EPS8L2: variants seen among roughly 807,000 people sequenced by gnomAD.
EPS8L2 encodes EPS8 signaling adaptor L2.
In EPS8L2, 81 loss-of-function variants were observed where a neutral mutation model predicts 99.4. The ratio of observed to expected loss-of-function variants is 0.82; its 90% CI spans 0.68 to 0.98. EPS8L2 has a LOEUF of 0.98. Ranked by LOEUF, EPS8L2 falls within the 50% of genes least tolerant of loss-of-function variation. The pLI, the probability that EPS8L2 is intolerant of heterozygous loss-of-function variation, is 0.00. For missense variants in EPS8L2, 1,155 were observed against 968.8 expected, an observed-to-expected ratio of 1.19 and a Z score of -2.55; for synonymous variants, 509 against 407.3, an observed-to-expected ratio of 1.25 and a Z score of -3.01.
chr11:721,805 G>A (rs1340844784), intron 10 of EPS8L2, 98 bp from the exon 11 acceptor site: 4 of 1,512,826 alleles, frequency 2.6e-6, no homozygotes, highest in Non-Finnish European at 3.6e-6. Flanking sequence ...TGGAGGTGGA[G>A]GAAGGTCCAG....
chr11:715,104 G>C (rs533990669), intron 4 of EPS8L2, among the ~76,000 whole-genome samples: 9 of 152,142 alleles, frequency 5.9e-5, no homozygotes, highest in East Asian at 1.9e-4. Context: ...TAGCCAGGTG[G>C]GATGGCGGGT....
intron 4 of EPS8L2, among the ~76,000 whole-genome samples, chr11:715,923 A>C (rs1862013925): frequency 7.0e-6 from 1 of 143,044 alleles, no homozygotes; most frequent in Non-Finnish European, 1.5e-5. Context: ...CCCGGCATTG[A>C]TTCACTTTTC....
At chr11:712,370 C>T (rs542818113) in intron 4 of EPS8L2, among the ~76,000 whole-genome samples, 9 of 151,596 alleles carry the variant, frequency 5.9e-5, no homozygotes, top group Non-Finnish European at 2.9e-5. Flanking sequence ...GCTGGGCTCC[C>T]GGTTGTGGTC....
chr11:720,080 A>T lies in EPS8L2; in HGVS notation c.184A>T (p.Met62Leu), dbSNP rs780112279. 348 of 1,612,834 alleles carry T rather than the reference A, an allele frequency of 2.2e-4. 1 individual carries two copies. The highest frequency in any genetic ancestry group is 2.4e-4 in the Non-Finnish European group (279 of 1,179,708). ...CCCCCAGCACCTGGCCACATTCATC[A>T]TGGACAAGAGCGAAGCCATCACGTC... ...YHVQHLATFI[M>L]DKSEAITSVD... Residue 62 changes from methionine to leucine, a missense_variant, in exon 5 of 21, where the codon ATG (methionine) becomes TTG (leucine). Physicochemically the swap from Met to Leu is conservative, Grantham distance 15. Transcript: ENST00000318562.
At chr11:713,088 C>T (rs761589983) in intron 4 of EPS8L2, among the ~76,000 whole-genome samples, 10 of 152,134 alleles carry the variant, frequency 6.6e-5, no homozygotes, top group Non-Finnish European at 1.3e-4. Flanking sequence ...TGCCTCTCCC[C>T]GATGAGGACA....
intron 1 of EPS8L2, chr11:706,661 G>C (rs1486024975): frequency 2.6e-5 from 4 of 152,648 alleles, no homozygotes; most frequent in Non-Finnish European, 4.4e-5. Context: ...GCTTCTCCCG[G>C]TTCTGTGAGC....
At chr11:707,501 C>G (rs959895062) in intron 1 of EPS8L2, among the ~76,000 whole-genome samples, 7 of 152,314 alleles carry the variant, frequency 4.6e-5, no homozygotes, top group Admixed American at 1.3e-4. Context: ...TGACCGGGCA[C>G]CCCGCTCTGC....
chr11:722,198 G>A lies in EPS8L2; in HGVS notation c.1059+33G>A, dbSNP rs777117461. 7 of 1,605,214 alleles carry A rather than the reference G, an allele frequency of 4.4e-6. No homozygotes were observed. In the South Asian group the frequency reaches 5.5e-5, roughly 13 times the overall value. On this transcript the variant is annotated intron_variant, in intron 12 of 20. Coordinates refer to ENST00000318562, the MANE Select transcript of EPS8L2 (RefSeq NM_022772.4). ...GGGCCGGGCGGCAGGGGCGCGCAGGGTGGGGGCCCAGAGGCCTCTGCAGCA... is the reference window on the plus strand; with the variant it reads ...GGGCCGGGCGGCAGGGGCGCGCAGGATGGGGGCCCAGAGGCCTCTGCAGCA...
chr11:721,009 A>AGGGGAGGAGCCGGGAG, intron 7 of EPS8L2, 55 bp from the exon 8 acceptor site: 1 of 878,234 alleles, frequency 1.1e-6, no homozygotes, highest in South Asian at 2.1e-5. Flanking sequence ...CCCGGCAGGG[A>AGGGGAGGAGCCGGGAG]GGGAGGGTCA....
At position 726,080 on chromosome 11, in the gene EPS8L2, C is replaced by A. The variant is rs755291468; in HGVS notation, c.1681-18C>A. 2.0e-6 allele frequency: 3 copies of A among 1,514,278 alleles called. No individual in the cohort carries two copies. Among genetic ancestry groups the A allele is most frequent in the Admixed American group, 3.7e-5 (2 of 53,458 alleles). 93.8% of individuals were successfully genotyped at this position (1,514,278 alleles called of 1,614,324 possible). On this transcript the variant is annotated intron_variant, in intron 17 of 20. Coordinates refer to ENST00000318562, the MANE Select transcript of EPS8L2 (RefSeq NM_022772.4). ...GGGGGCGGGGCGTGGGGAGCCTAAT[C>A]GCCCCCCGCCCCCGCAGGCCGGTCA... is the stretch of plus-strand genomic sequence containing the variant.
Position 721,176 on chromosome 11 carries a change from G to A in EPS8L2, c.670G>A (p.Val224Met), listed in dbSNP as rs1204653238. Residue 224 changes from valine (V) to methionine (M), a missense_variant, in exon 8 of 21, where the codon GTG becomes ATG. Physicochemically the swap from Val to Met is conservative, Grantham distance 21 (BLOSUM62 1). Coordinates refer to ENST00000318562, the MANE Select transcript of EPS8L2 (RefSeq NM_022772.4). ...GGATTCCCCGGAGGCCAAGAATCGC[G>A]TGGGCCCGCAGGTGCCACTCAGCGA... ...GGDSPEAKNR[V>M]GPQVPLSEPG... 2 of 1,534,490 alleles carry A rather than the reference G, an allele frequency of 1.3e-6. No homozygotes were observed. Among genetic ancestry groups the A allele is most frequent in the South Asian group, 1.2e-5 (1 of 83,592 alleles).
chr11:721,451 G>A, intron 9 of EPS8L2, 99 bp downstream of exon 9: 1 of 1,489,114 alleles, frequency 6.7e-7, no homozygotes, highest in Non-Finnish European at 9.0e-7. Context: ...GCCTGTGGCT[G>A]CCCCTCCGAA....
intron 1 of EPS8L2, among the ~76,000 whole-genome samples, chr11:707,663 C>A (rs1375923803): frequency 1.3e-5 from 2 of 152,050 alleles, no homozygotes; most frequent in African/African-American, 2.4e-5. Context: ...GCTTCAGACC[C>A]AGACACCACA....
In EPS8L2 at chr11:722,709, C is replaced by G. The variant is rs10902205; in HGVS notation, c.1245C>G (p.Tyr415Ter). Residue 415 changes from tyrosine to a stop codon, truncating the protein, a stop_gained, in exon 14 of 21, where the codon TAC becomes TAG. Coordinates refer to ENST00000318562, the MANE Select transcript of EPS8L2 (RefSeq NM_022772.4). LOFTEE classifies it high-confidence loss of function. ...CGCGGGAGCCACAGGTGCCCCTCTA[C>G]GTGCCCAAGTTCCACAGCGGCTGGG... Reference protein sequence around the residue: ...EWPREPQVPLYVPKFHSGWEP... With the variant: ...EWPREPQVPL 1 of 1,608,588 alleles carries G rather than the reference C, an allele frequency of 6.2e-7. No homozygotes were observed.
At chr11:721,021 G>C in intron 7 of EPS8L2, 43 bp from the exon 8 acceptor site, 1 of 1,157,428 alleles carries the variant, frequency 8.6e-7, no homozygotes, top group East Asian at 2.8e-5. Flanking sequence ...GGAGGGTCAG[G>C]TGCGTTCCCG....
chr11:711,701 AGGCCAG>A (rs1861893886), intron 4 of EPS8L2, among the ~76,000 whole-genome samples: 1 of 151,694 alleles, frequency 6.6e-6, no homozygotes, highest in Admixed American at 6.6e-5. Flanking sequence ...ACAGAGTCTT[AGGCCAG>A]GCGCGGTGGC....
At chr11:706,762 G>A (rs1434743389) in intron 1 of EPS8L2, 5 of 152,592 alleles carry the variant, frequency 3.3e-5, no homozygotes, top group South Asian at 2.1e-4. Context: ...CTGGGTGTCG[G>A]AGCCCAGAAG....
At position 709,706 on chromosome 11, in the gene EPS8L2, T is replaced by C. The variant is rs1222655110; in HGVS notation, c.100+98T>C. The C allele has an allele frequency of 3.5e-6, 5 of 1,426,760 alleles. No individual in the cohort carries two copies. In the African/African-American group the frequency reaches 4.2e-5, roughly 12 times the overall value. 88.4% of individuals were successfully genotyped at this position (1,426,760 alleles called of 1,614,324 possible). On this transcript the variant is annotated intron_variant, in intron 3 of 20. Transcript: ENST00000318562. ...GCTCCTGCCCCACAGCTGTGCCTGGTCTGGCCCAGGGGATCTCCGGGTGCC... is the reference window on the plus strand; with the variant it reads ...GCTCCTGCCCCACAGCTGTGCCTGGCCTGGCCCAGGGGATCTCCGGGTGCC...
Position 726,985 on chromosome 11 carries a change from C to T in EPS8L2, c.*4C>T, listed in dbSNP as rs749547734. On this transcript the variant is annotated 3_prime_UTR_variant, in exon 21 of 21. Transcript: ENST00000318562. ...GAGGAGGGGGGAGGACAGCTAGGCC[C>T]AGCTGCCTTGGGCTGGGGCCTGCGG... 1.1e-5 allele frequency: 17 copies of T among 1,610,306 alleles called. No individual in the cohort carries two copies. In the African/African-American group the frequency reaches 1.7e-4, roughly 16 times the overall value.
Sources: gnomAD v4.1 joint callset for allele counts (sites outside exome capture counted in the v4.1 genomes callset) on GRCh38, gnomAD v4.1.1 for gene constraint, MANE v1.5 for transcripts, NCBI Gene and HGNC (gene_info 2026-07-23, HGNC 2026-07-21) for gene names.